WIPF3: variants seen among roughly 807,000 people sequenced by gnomAD.
WIPF3 encodes the protein WAS/WASL interacting protein family member 3.
A neutral mutation model predicts 38.9 loss-of-function variants in WIPF3; 33 were observed. The observed-to-expected ratio is 0.85, with a 90% CI of 0.64 to 1.14. WIPF3 has a LOEUF of 1.14. WIPF3 is among the 50% of genes most tolerant of loss of function. The pLI is 0.00. For synonymous variants in WIPF3, 324 were observed against 269.3 expected, an observed-to-expected ratio of 1.20 and a Z score of -1.99; for missense variants, 711 against 652.5, an observed-to-expected ratio of 1.09 and a Z score of -0.98.
rs371447434 is a variant in WIPF3 at position 29,833,154 on chromosome 7, G to T, written c.-57-1514G>T. On this transcript the variant is annotated intron_variant, in intron 1 of 8. Coordinates refer to ENST00000242140, the MANE Select transcript of WIPF3 (RefSeq NM_001080529.3). ...CAGAAAGTAGAACAGAGGTTACTGG[G>T]GGCTGAGGGGAGGAGACAGTGGGGA... Among the ~76,000 whole-genome samples, 98 of 152,326 alleles carry T rather than the reference G, an allele frequency of 6.4e-4. 2 individuals are homozygous for T. The South Asian group carries it at 0.019, about 30-fold the overall frequency.
intron 4 of WIPF3, among the ~76,000 whole-genome samples, chr7:29,881,823 G>A (rs1236210768): frequency 6.6e-6 from 1 of 152,204 alleles, no homozygotes; most frequent in Non-Finnish European, 1.5e-5. Context: ...CCTTTCCTAT[G>A]GGCACAGCAT....
chr7:29,826,076 C>T (rs1037441450), intron 1 of WIPF3, among the ~76,000 whole-genome samples: 5 of 152,166 alleles, frequency 3.3e-5, no homozygotes, highest in Non-Finnish European at 7.3e-5. Flanking sequence ...AATGAATCTA[C>T]ATGAAAATGA....
intron 1 of WIPF3, among the ~76,000 whole-genome samples, chr7:29,820,814 G>A (rs1329026461): frequency 6.6e-6 from 1 of 151,980 alleles, no homozygotes; most frequent in Non-Finnish European, 1.5e-5. Flanking sequence ...AAGATATTTT[G>A]ATTTATTAAC....
At chr7:29,875,988 C>A (rs966010869) in intron 3 of WIPF3, 26 bp downstream of exon 3, 1 of 1,610,276 alleles carries the variant, frequency 6.2e-7, no homozygotes, top group African/African-American at 1.3e-5. Flanking sequence ...GGCCAGGCCT[C>A]CTGTGAGCCA....
In WIPF3 at chr7:29,822,212, C is replaced by T. The variant is rs529911707; in HGVS notation, c.-57-12456C>T. On this transcript the variant is annotated intron_variant, in intron 1 of 8. Transcript: ENST00000242140. ...AAAATGAGGTCAACTCTTCTTGGAC[C>T]AACTATTTTCAGATTTACTTGAGGA... Among the ~76,000 whole-genome samples the T allele has an allele frequency of 2.1e-5, 3 of 143,136 alleles. No individual in the cohort carries two copies. The East Asian group carries it at 6.1e-4, about 29-fold the overall frequency. The allele number at this position is 143,136 out of a possible 152,430, so 93.9% of individuals were successfully genotyped here.
chr7:29,865,294 G>A (rs1405332768), intron 2 of WIPF3, among the ~76,000 whole-genome samples: 1 of 152,122 alleles, frequency 6.6e-6, no homozygotes, highest in Non-Finnish European at 1.5e-5. Context: ...AGCACACTTG[G>A]CCACTGGCAG....
At chr7:29,848,451 T>C (rs749304843) in intron 2 of WIPF3, among the ~76,000 whole-genome samples, 11 of 152,192 alleles carry the variant, frequency 7.2e-5, no homozygotes, top group Non-Finnish European at 1.0e-4. Context: ...GCAAGAATTC[T>C]GGATCACCTG....
At chr7:29,809,122 A>G (rs1216019106) in intron 1 of WIPF3, among the ~76,000 whole-genome samples, 1 of 152,252 alleles carries the variant, frequency 6.6e-6, no homozygotes, top group Non-Finnish European at 1.5e-5. Context: ...ATTAGGGTAC[A>G]GTAGCCTTAA....
At chr7:29,837,035 G>A (rs1034932908) in intron 2 of WIPF3, among the ~76,000 whole-genome samples, 1 of 150,136 alleles carries the variant, frequency 6.7e-6, no homozygotes, top group Non-Finnish European at 1.5e-5. Context: ...ATATGGAAAA[G>A]TAGATATAAA....
chr7:29,901,018 G>A (rs1786264493), intron 7 of WIPF3, among the ~76,000 whole-genome samples: 1 of 152,190 alleles, frequency 6.6e-6, no homozygotes, highest in African/African-American at 2.4e-5. Context: ...AGGGCTGGTG[G>A]TTATTCTGGG....
intron 1 of WIPF3, among the ~76,000 whole-genome samples, chr7:29,824,566 A>T (rs996642716): frequency 3.3e-5 from 5 of 151,220 alleles, no homozygotes; most frequent in African/African-American, 1.2e-4. Flanking sequence ...AAAAAAAAAG[A>T]AAAAAAAGGA....
intron 1 of WIPF3, among the ~76,000 whole-genome samples, chr7:29,820,344 G>T (rs1784517006): frequency 6.6e-6 from 1 of 151,990 alleles, no homozygotes; most frequent in African/African-American, 2.4e-5. Context: ...AGTTGAATTT[G>T]GTCCAGTTTG....
At chr7:29,840,134 C>T (rs1047158648) in intron 2 of WIPF3, among the ~76,000 whole-genome samples, 1 of 152,214 alleles carries the variant, frequency 6.6e-6, no homozygotes, top group East Asian at 1.9e-4. Context: ...CTCCCATTCC[C>T]ACTACCCACC....
At chr7:29,842,725 T>A (rs1336203598) in intron 2 of WIPF3, among the ~76,000 whole-genome samples, 2 of 152,082 alleles carry the variant, frequency 1.3e-5, no homozygotes, top group Admixed American at 6.5e-5. Flanking sequence ...TCATGAGAGC[T>A]TTTTTTGGAA....
intron 1 of WIPF3, among the ~76,000 whole-genome samples, chr7:29,828,490 G>T (rs936826349): frequency 1.9e-4 from 29 of 152,162 alleles, no homozygotes; most frequent in Admixed American, 1.9e-3. Context: ...TCTGTGCTCT[G>T]TGGCCCACTG....
At chr7:29,890,973 T>G (rs1786003125) in intron 7 of WIPF3, among the ~76,000 whole-genome samples, 1 of 105,480 alleles carries the variant, frequency 9.5e-6, no homozygotes, top group African/African-American at 3.8e-5. Flanking sequence ...TGTGCTCAGG[T>G]GGAGGGGGCG....
chr7:29,823,330 C>T lies in WIPF3; in HGVS notation c.-57-11338C>T, dbSNP rs921939879. On this transcript the variant is annotated intron_variant, in intron 1 of 8. Coordinates refer to ENST00000242140, the MANE Select transcript of WIPF3 (RefSeq NM_001080529.3). This position sits in a 1 kb window ranked among gnomAD's most constrained non-coding sequence, Gnocchi z 4.0. ...AGGCTGGAGTGCAGTGGCACGATTTCGGCTCACTGCAACCTCCGTCTCCTG... is the reference window on the plus strand; with the variant it reads ...AGGCTGGAGTGCAGTGGCACGATTTTGGCTCACTGCAACCTCCGTCTCCTG... Among the ~76,000 whole-genome samples the T allele has an allele frequency of 2.6e-5, 4 of 152,078 alleles. No homozygotes were observed. Among genetic ancestry groups the T allele is most frequent in the African/African-American group, 4.8e-5 (2 of 41,388 alleles).
At chr7:29,889,577 C>T (rs1349649237) in intron 7 of WIPF3, among the ~76,000 whole-genome samples, 170 bp downstream of exon 7, 4 of 152,180 alleles carry the variant, frequency 2.6e-5, no homozygotes, top group Non-Finnish European at 5.9e-5. Flanking sequence ...ACATTGATTT[C>T]TCCTGATACC....
At chr7:29,853,227 G>A (rs1198356773) in intron 2 of WIPF3, among the ~76,000 whole-genome samples, 2 of 152,214 alleles carry the variant, frequency 1.3e-5, no homozygotes, top group Non-Finnish European at 2.9e-5. Flanking sequence ...TGACTCTCAG[G>A]CACTTTCCCC....
Sources: gnomAD v4.1 joint callset for allele counts (sites outside exome capture counted in the v4.1 genomes callset) on GRCh38, gnomAD v4.1.1 for gene constraint, Gnocchi (gnomAD v3.1) non-coding constraint, MANE v1.5 for transcripts, NCBI Gene and HGNC (gene_info 2026-07-23, HGNC 2026-07-21) for gene names.